The following SSC5D variants were observed in gnomAD, a reference collection of about 807,000 sequenced individuals.
SSC5D encodes scavenger receptor cysteine rich family member with 5 domains, also known as soluble scavenger receptor cysteine-rich domain-containing protein SSC5D.
SSC5D carries 106 observed loss-of-function variants against 104.6 expected under a neutral mutation model. The ratio of observed to expected loss-of-function variants is 1.01; its 90% CI spans 0.87 to 1.19. The LOEUF is 1.19. Ranked by LOEUF, SSC5D falls within the 50% of genes most tolerant of loss-of-function variation. The pLI is 0.00. For missense variants in SSC5D, 1,993 were observed against 2,153.8 expected (o/e 0.93, Z 1.48); for synonymous variants, 860 against 883.5 (o/e 0.97, Z 0.47).
chr19:55,497,625 A>G (rs900668950), intron 8 of SSC5D, among the ~76,000 whole-genome samples: 4 of 152,188 alleles, frequency 2.6e-5, no homozygotes, highest in African/African-American at 4.8e-5. Context: ...TTTCTAGATT[A>G]TATGGTAATT....
In SSC5D at chr19:55,500,491, C is replaced by A. The variant is rs1458386191; in HGVS notation, c.2304C>A (p.Gly768=). The change falls in exon 11 of 14, where the codon GGC becomes GGA. Residue 768 remains glycine (G), a splice_region_variant and synonymous_variant. Transcript: ENST00000389623. This position sits in a 1 kb window ranked among gnomAD's most constrained non-coding sequence, Gnocchi z 4.6. Reference sequence around the variant, plus strand: ...CTGACCTAAGGGCCTTCCACGCAGGCCTGTTCCGGGTTCGTCTGGCCGATG... The same window carrying A: ...CTGACCTAAGGGCCTTCCACGCAGGACTGTTCCGGGTTCGTCTGGCCGATG... ...SPSVSTTGES[G]LFRVRLADGP... 2.6e-6 allele frequency: 4 copies of A among 1,551,340 alleles called. No homozygotes were observed. The East Asian group carries it at 9.8e-5, about 38-fold the overall frequency.
rs1568480385 is a variant in SSC5D at position 55,501,233 on chromosome 19, G to GA, written c.2785+32_2785+33insA. On this transcript the variant is annotated intron_variant, in intron 12 of 13. Coordinates refer to ENST00000389623, the MANE Select transcript of SSC5D (RefSeq NM_001144950.2). ...GGCCTGATTGGGGTGGCCATGGAGG[G>GA]CCTCCATAAACCTCCATTCGCTTCC... 2.0e-6 allele frequency: 3 copies of GA among 1,477,180 alleles called. No homozygotes were observed. The African/African-American group carries it at 4.3e-5, about 21-fold the overall frequency. The allele number at this position is 1,477,180 out of a possible 1,614,324, so 91.5% of individuals were successfully genotyped here. A position where few individuals can be genotyped will look rare whatever the true frequency, so the allele number is the denominator to read the frequency against.
intron 6 of SSC5D, among the ~76,000 whole-genome samples, 188 bp from the exon 7 acceptor site, chr19:55,493,407 G>A (rs116253765): frequency 0.015 from 2,238 of 152,342 alleles, 56 homozygotes; most frequent in African/African-American, 0.051. Context: ...AAGGGATATG[G>A]GGGATGCGCC....
Position 55,517,549 on chromosome 19 carries a change from A to G in SSC5D, c.3273A>G (p.Leu1091=). Residue 1091 remains leucine (L), a synonymous_variant, in exon 14 of 14, where the codon TTA becomes TTG. Coordinates refer to ENST00000389623, the MANE Select transcript of SSC5D (RefSeq NM_001144950.2). ...ALTPEPSPTP[L]PTLPKELTSD... Reference sequence around the variant, plus strand: ...CCCCGGAGCCCTCACCCACGCCCTTACCCACCTTGCCCAAAGAGCTGACCT... The same window carrying G: ...CCCCGGAGCCCTCACCCACGCCCTTGCCCACCTTGCCCAAAGAGCTGACCT... 2 of 1,550,468 alleles carry G rather than the reference A, an allele frequency of 1.3e-6. No homozygotes were observed. The highest frequency in any genetic ancestry group is 8.7e-7 in the Non-Finnish European group (1 of 1,146,746).
Position 55,498,157 on chromosome 19 carries a change from C to T in SSC5D, c.1665C>T (p.His555=), listed in dbSNP as rs745373354. 9.0e-6 allele frequency: 14 copies of T among 1,551,618 alleles called. No homozygotes were observed. The highest frequency in any genetic ancestry group is 1.4e-5 in the African/African-American group (1 of 73,030). Residue 555 remains histidine (H), a synonymous_variant, in exon 9 of 14, where the codon CAC becomes CAT. Coordinates refer to ENST00000389623, the MANE Select transcript of SSC5D (RefSeq NM_001144950.2). ...GCCCTGCTGCTCCCTGGGGAAAGCA[C>T]AACTGCGCTCACAATGAGGATGTTG... The part of the protein sequence containing the change: ...SDCPAAPWGK[H]NCAHNEDVGV...
At chr19:55,509,673 A>G (rs969595100) in intron 12 of SSC5D, among the ~76,000 whole-genome samples, 10 of 151,350 alleles carry the variant, frequency 6.6e-5, no homozygotes, top group Non-Finnish European at 1.5e-4. Flanking sequence ...CCTGGCCAAC[A>G]TGGTTAAACA....
rs1379781506 is a variant in SSC5D at position 55,489,998 on chromosome 19, G to A, written c.475+3G>A. The A allele has an allele frequency of 2.6e-6, 4 of 1,543,054 alleles. No homozygotes were observed. The highest frequency in any genetic ancestry group is 3.5e-6 in the Non-Finnish European group (4 of 1,142,982). On this transcript the variant is annotated splice_donor_region_variant and intron_variant, in intron 4 of 13. Transcript: ENST00000389623. ...GGAGGAGCCCCTGGTGACACATGGT[G>A]AGCCCAGGGGACTGCCCTGCCAACC...
chr19:55,510,556 T>A (rs1230695577), intron 12 of SSC5D, among the ~76,000 whole-genome samples: 1 of 150,262 alleles, frequency 6.7e-6, no homozygotes, highest in East Asian at 2.0e-4. Flanking sequence ...ACCATGTTGG[T>A]CAGGCTAGTC....
chr19:55,502,407 G>T (rs1987528912), intron 12 of SSC5D, among the ~76,000 whole-genome samples: 1 of 148,930 alleles, frequency 6.7e-6, no homozygotes, highest in Non-Finnish European at 1.5e-5. Flanking sequence ...CTTTTTCCCT[G>T]TCTTTCTTTT....
Position 55,494,779 on chromosome 19 carries a change from A to G in SSC5D, c.1383A>G (p.Glu461=). The change falls in exon 8 of 14, where the codon GAA becomes GAG. Residue 461 remains glutamate, a synonymous_variant. Transcript: ENST00000389623. Reference sequence around the variant, plus strand: ...CTGTCCTTTGGGAGCCTGGACCGGAAGCCGGTGAGTCCCTCCATGCTCCCC... The same window carrying G: ...CTGTCCTTTGGGAGCCTGGACCGGAGGCCGGTGAGTCCCTCCATGCTCCCC... The part of the protein sequence containing the change: ...SPTVLWEPGP[E]AGSPQLRLVA... 2 of 1,541,746 alleles carry G rather than the reference A, an allele frequency of 1.3e-6. No homozygotes were observed. The highest frequency in any genetic ancestry group is 1.8e-6 in the Non-Finnish European group (2 of 1,141,334).
intron 1 of SSC5D, among the ~76,000 whole-genome samples, 153 bp downstream of exon 1, chr19:55,488,767 C>T (rs1987026215): frequency 1.1e-5 from 1 of 89,868 alleles, no homozygotes; most frequent in Non-Finnish European, 2.3e-5. Context: ...GCTCAATCTG[C>T]CCAGCCTTCT....
rs74181759 is a variant in SSC5D at position 55,495,233 on chromosome 19, ATTTTTTTTTTTT to A, written c.1387+466_1387+477del. Among the ~76,000 whole-genome samples the A allele has an allele frequency of 7.9e-5, 4 of 50,664 alleles. 1 individual carries two copies. In the East Asian group the frequency reaches 2.8e-3, roughly 36 times the overall value. The allele number at this position is 50,664 out of a possible 152,430, so 33.2% of individuals were successfully genotyped here. ...CCTCCTTTCATATATATATATATAT[ATTTTTTTTTTTT>A]TTTTTTTTTTTTTTTGAGAGTGGAT... On this transcript the variant is annotated intron_variant, in intron 8 of 13. Transcript: ENST00000389623.
chr19:55,499,990 G>A lies in SSC5D; in HGVS notation c.1880G>A (p.Ser627Asn). Residue 627 changes from serine to asparagine, a missense_variant, in exon 10 of 14, where the codon AGT becomes AAT. Transcript: ENST00000389623. ...TTKAPGKMPKSTKKWVTKNAK... is the reference protein window; with the variant it reads ...TTKAPGKMPKNTKKWVTKNAK... Reference sequence around the variant, plus strand: ...AAGGCCCCAGGGAAAATGCCTAAGAGTACTAAGAAGTGGGTGACAAAAAAT... The same window carrying A: ...AAGGCCCCAGGGAAAATGCCTAAGAATACTAAGAAGTGGGTGACAAAAAAT... The A allele has an allele frequency of 6.4e-7, 1 of 1,551,866 alleles. No individual in the cohort carries two copies. The highest frequency in any genetic ancestry group is 8.7e-7 in the Non-Finnish European group (1 of 1,147,046).
chr19:55,500,302 A>G lies in SSC5D; in HGVS notation c.2192A>G (p.Lys731Arg). 6.4e-7 allele frequency: 1 copy of G among 1,551,372 alleles called. No individual in the cohort carries two copies. The highest frequency in any genetic ancestry group is 8.7e-7 in the Non-Finnish European group (1 of 1,146,970). The stretch of plus-strand genomic sequence containing the variant: ...GAAATGACCTCTGAGTCCACTATCA[A>G]GAGTATCCCTCAGGCCTCCCTGGAG... ...PQEMTSESTI[K>R]SIPQASLEPS... The change falls in exon 10 of 14, where the codon AAG becomes AGG. Residue 731 changes from lysine (K) to arginine (R), a missense_variant. Physicochemically the swap from Lys to Arg is conservative, Grantham distance 26. This residue lies in a region of SSC5D where 1,101 missense variants were observed against 1,085.0 expected (regional missense o/e 1.01). Coordinates refer to ENST00000389623, the MANE Select transcript of SSC5D (RefSeq NM_001144950.2). The surrounding 1 kb of genome is among the most constrained non-coding windows in gnomAD (Gnocchi z 4.6).
intron 12 of SSC5D, among the ~76,000 whole-genome samples, chr19:55,510,235 C>G (rs500631): frequency 0.99 from 150,872 of 152,362 alleles, 74,736 homozygotes; most frequent in Non-Finnish European, 1. Context: ...CTGGGCTCAA[C>G]TGATCCACCT....
At chr19:55,498,855 G>C (rs2123441133) in intron 9 of SSC5D, among the ~76,000 whole-genome samples, 1 of 152,338 alleles carries the variant, frequency 6.6e-6, no homozygotes, top group South Asian at 2.1e-4. Flanking sequence ...GTTACACTCA[G>C]CGTTATCGTT....
At chr19:55,495,233 A>ATATATATATATATATATATATTTTT (rs1555765051) in intron 8 of SSC5D, among the ~76,000 whole-genome samples, 1 of 50,664 alleles carries the variant, frequency 2.0e-5, no homozygotes, top group African/African-American at 9.8e-5. Context: ...ATATATATAT[A>ATATATATATATATATATATATTTTT]TTTTTTTTTT....
Position 55,490,335 on chromosome 19 carries a change from G to C in SSC5D, c.513G>C (p.Arg171=), listed in dbSNP as rs750071288. The C allele has an allele frequency of 2.0e-6, 3 of 1,502,110 alleles. No individual in the cohort carries two copies. Among genetic ancestry groups the C allele is most frequent in the Non-Finnish European group, 2.7e-6 (3 of 1,107,342 alleles). The allele number at this position is 1,502,110 out of a possible 1,614,324, so 93.0% of individuals were successfully genotyped here. ...CTGGGAACCCCCAGAACGCCTCCCG[G>C]AAGAAGAGCCCCCGGCCCAAGCAGG... ...RPAGNPQNAS[R]KKSPRPKQAK... Residue 171 remains arginine (R), a synonymous_variant, in exon 5 of 14, where the codon CGG becomes CGC. Coordinates refer to ENST00000389623, the MANE Select transcript of SSC5D (RefSeq NM_001144950.2).
At chr19:55,497,839 G>C in intron 8 of SSC5D, 41 bp from the exon 9 acceptor site, 2 of 1,477,770 alleles carry the variant, frequency 1.4e-6, no homozygotes, top group South Asian at 2.7e-5. Flanking sequence ...GAGGCTGGGC[G>C]GCTTCCCCGA....
Sources: gnomAD v4.1 joint callset for allele counts (sites outside exome capture counted in the v4.1 genomes callset) on GRCh38, gnomAD v4.1.1 for gene constraint, gnomAD v4.1.1 regional missense constraint, Gnocchi (gnomAD v3.1) non-coding constraint, MANE v1.5 for transcripts, NCBI Gene and HGNC (gene_info 2026-07-23, HGNC 2026-07-21) for gene names.